The following SKAP1 variants were observed in gnomAD, a reference collection of about 807,000 sequenced individuals.
The protein encoded by SKAP1 is src kinase-associated phosphoprotein 1.
In SKAP1, 44 loss-of-function variants were observed where a neutral mutation model predicts 58.5. The ratio of observed to expected loss-of-function variants is 0.75; its 90% CI spans 0.59 to 0.97. SKAP1 has a LOEUF of 0.97. Ranked by LOEUF, SKAP1 falls within the 50% of genes least tolerant of loss-of-function variation. The probability of loss-of-function intolerance (pLI) is 0.00; values close to 1 mark genes in which losing one functional copy is unlikely to be tolerated. For synonymous variants in SKAP1, 127 were observed against 149.7 expected (o/e 0.85, Z 1.11); for missense variants, 390 against 435.2 (o/e 0.90, Z 0.92).
At chr17:48,187,443 A>G (rs867269030) in intron 6 of SKAP1, among the ~76,000 whole-genome samples, 1 of 152,154 alleles carries the variant, frequency 6.6e-6, no homozygotes, top group African/African-American at 2.4e-5. Flanking sequence ...AGGGGGTTCT[A>G]TTTCTGGGCC....
chr17:48,340,433 A>T (rs1267646178), intron 4 of SKAP1, among the ~76,000 whole-genome samples: 1 of 152,120 alleles, frequency 6.6e-6, no homozygotes, highest in East Asian at 1.9e-4. Context: ...CAGGAGAGAA[A>T]AGAAAATCTA....
At chr17:48,180,506 C>G (rs148467611) in intron 8 of SKAP1, among the ~76,000 whole-genome samples, 107 of 152,106 alleles carry the variant, frequency 7.0e-4, no homozygotes, top group African/African-American at 2.5e-3. Context: ...AGTGAAGCAG[C>G]CTGAAAAGTA....
chr17:48,224,577 T>TA (rs951259049), intron 4 of SKAP1, among the ~76,000 whole-genome samples: 49 of 152,340 alleles, frequency 3.2e-4, no homozygotes, highest in African/African-American at 1.1e-3. Context: ...CTTAACAAAG[T>TA]AAACTGGTTC....
Position 48,410,934 on chromosome 17 carries a change from CAAAAAA to C in SKAP1, c.47-14155_47-14150del, listed in dbSNP as rs61705374. Among the ~76,000 whole-genome samples, 327 of 66,972 alleles carry C rather than the reference CAAAAAA, an allele frequency of 4.9e-3. 4 individuals are homozygous for C. Among genetic ancestry groups the C allele is most frequent in the African/African-American group, 0.015 (279 of 18,514 alleles). The allele number at this position is 66,972 out of a possible 152,430, so 43.9% of individuals were successfully genotyped here. On this transcript the variant is annotated intron_variant, in intron 1 of 12. Transcript: ENST00000336915. ...AGAGCGACAGAGCGAGACTCCATTT[CAAAAAA>C]AAAAAAAAAAAAAAAAAGAAAGGGG...
At chr17:48,381,966 A>G (rs1037872502) in intron 2 of SKAP1, among the ~76,000 whole-genome samples, 1 of 152,208 alleles carries the variant, frequency 6.6e-6, no homozygotes, top group Non-Finnish European at 1.5e-5. Context: ...GTGCTTTCCC[A>G]ATAGTCATAC....
intron 3 of SKAP1, among the ~76,000 whole-genome samples, chr17:48,357,069 C>T (rs1386765180): frequency 6.6e-6 from 1 of 152,092 alleles, no homozygotes; most frequent in East Asian, 1.9e-4. Flanking sequence ...GTTTATTTAA[C>T]TAGTCCCCAA....
At chr17:48,155,424 CATT>C (rs1228663830) in intron 11 of SKAP1, among the ~76,000 whole-genome samples, 1 of 151,826 alleles carries the variant, frequency 6.6e-6, no homozygotes, top group Non-Finnish European at 1.5e-5. Flanking sequence ...TGCCAACAAG[CATT>C]ATTATTATTT....
chr17:48,275,412 G>A (rs1332598786), intron 4 of SKAP1, among the ~76,000 whole-genome samples: 1 of 152,120 alleles, frequency 6.6e-6, no homozygotes, highest in Non-Finnish European at 1.5e-5. Flanking sequence ...TTCATCGTAT[G>A]TTGACATCTC....
chr17:48,332,172 TTATTA>T (rs1487082182), intron 4 of SKAP1, among the ~76,000 whole-genome samples: 2 of 152,104 alleles, frequency 1.3e-5, no homozygotes, highest in African/African-American at 4.8e-5. Flanking sequence ...TCAGCATAGT[TTATTA>T]TATTATTACA....
intron 4 of SKAP1, among the ~76,000 whole-genome samples, chr17:48,316,852 T>G (rs750885445): frequency 1.1e-3 from 168 of 152,000 alleles, no homozygotes; most frequent in Admixed American, 2.3e-3. Context: ...TGCATAACAC[T>G]GAAACCATAT....
rs1163138596 is a variant in SKAP1 at position 48,180,070 on chromosome 17, A to G, written c.810T>C (p.Ile270=). 14 of 1,591,924 alleles carry G rather than the reference A, an allele frequency of 8.8e-6. No individual in the cohort carries two copies. The highest frequency in any genetic ancestry group is 1.2e-5 in the Non-Finnish European group (14 of 1,172,056). ...EPTEEKEEED[I]YEVLPDEEHD... ...ATTTCTCACCTGGCAAGACTTCATAAATATCTTCTTCTTCTTTCTCCTCTG... is the reference window on the plus strand; with the variant it reads ...ATTTCTCACCTGGCAAGACTTCATAGATATCTTCTTCTTCTTTCTCCTCTG... The change falls in exon 9 of 13, where the codon ATT becomes ATC. Residue 270 remains isoleucine (I), a synonymous_variant. Transcript: ENST00000336915.
rs544692957 is a variant in SKAP1, at chr17:48,256,766, A to C, written c.281-67266T>G. 3.3e-4 allele frequency among the ~76,000 whole-genome samples: 51 copies of C among 152,248 alleles called. 1 individual carries two copies. In the South Asian group the frequency reaches 0.011, roughly 32 times the overall value. ...CTCTGAGGGCTCCTTTGGCAATTGA[A>C]GGTAAGGAAGGAAGAAGCTAAGCTA... On this transcript the variant is annotated intron_variant, in intron 4 of 12. Transcript: ENST00000336915.
In SKAP1 at chr17:48,336,479, CTG is replaced by C. The variant is rs2066571359; in HGVS notation, c.280+9424_280+9425del. Among the ~76,000 whole-genome samples, 4 of 152,136 alleles carry C rather than the reference CTG, an allele frequency of 2.6e-5. No individual in the cohort carries two copies. The South Asian group carries it at 8.3e-4, about 32-fold the overall frequency. ...TATGTAGTTTGGAAAAGTGAAGACT[CTG>C]GGGATAAATGTTCAGTCTTTAATAC... On this transcript the variant is annotated intron_variant, in intron 4 of 12. Transcript: ENST00000336915.
At chr17:48,174,225 C>T (rs571182054) in intron 9 of SKAP1, among the ~76,000 whole-genome samples, 5 of 152,088 alleles carry the variant, frequency 3.3e-5, no homozygotes, top group Admixed American at 1.3e-4. Context: ...TGGATGTAAA[C>T]GGGGAAGCTC....
Position 48,419,127 on chromosome 17 carries a change from G to A in SKAP1, c.46+10948C>T, listed in dbSNP as rs150803922. Among the ~76,000 whole-genome samples the A allele has an allele frequency of 5.8e-3, 878 of 151,680 alleles. 3 individuals carry two copies. The highest frequency in any genetic ancestry group is 9.1e-3 in the Non-Finnish European group (618 of 67,854). On this transcript the variant is annotated intron_variant, in intron 1 of 12. Coordinates refer to ENST00000336915, the MANE Select transcript of SKAP1 (RefSeq NM_003726.4). ...AGGAAGAAAAGAAGAGAGAGGGAGG[G>A]AGAGAGGGAGAAAGAAACATTAGGC...
chr17:48,156,904 C>T (rs373424884), intron 11 of SKAP1, among the ~76,000 whole-genome samples: 5 of 152,116 alleles, frequency 3.3e-5, no homozygotes, highest in South Asian at 2.1e-4. Context: ...TCCAAGTGAG[C>T]GACTTTTGTG....
intron 11 of SKAP1, among the ~76,000 whole-genome samples, chr17:48,151,025 T>C (rs1167984014): frequency 7.2e-6 from 1 of 139,224 alleles, no homozygotes; most frequent in Non-Finnish European, 1.5e-5. Flanking sequence ...CTTTAAACAA[T>C]CACACTAACC....
upstream of SKAP1, among the ~76,000 whole-genome samples, chr17:48,431,658 G>A (rs1019961662): frequency 2.0e-5 from 3 of 152,168 alleles, no homozygotes; most frequent in African/African-American, 7.2e-5. Context: ...CCAGAGCTCC[G>A]GGGTGGTATG....
At chr17:48,179,951 G>GGTTA in intron 9 of SKAP1, 103 bp downstream of exon 9, 1 of 1,047,786 alleles carries the variant, frequency 9.5e-7, no homozygotes, top group Non-Finnish European at 1.4e-6. Context: ...AGAGGATGAG[G>GGTTA]GTTAGATTTG....
Sources: gnomAD v4.1 joint callset for allele counts (sites outside exome capture counted in the v4.1 genomes callset) on GRCh38, gnomAD v4.1.1 for gene constraint, MANE v1.5 for transcripts, NCBI Gene and HGNC (gene_info 2026-07-23, HGNC 2026-07-21) for gene names.